Variants in USP34 observed in about 807,000 individuals in gnomAD.
USP34 encodes ubiquitin carboxyl-terminal hydrolase 34.
A neutral mutation model predicts 460.3 loss-of-function variants in USP34; 70 were observed. The ratio of observed to expected loss-of-function variants is 0.15; its 90% CI spans 0.13 to 0.19. USP34 has a LOEUF of 0.19. Among genes scored for constraint, USP34 ranks in the 10% least tolerant of loss-of-function variants. The pLI, the probability that USP34 is intolerant of heterozygous loss-of-function variation, is 1.00. For missense variants in USP34, 3,985 were observed against 4,236.2 expected, an observed-to-expected ratio of 0.94 and a Z score of 1.65; for synonymous variants, 1,647 against 1,405.3, an observed-to-expected ratio of 1.17 and a Z score of -3.85.
chr2:61,342,291 G>A (rs539690500), intron 16 of USP34, among the ~76,000 whole-genome samples: 5 of 107,506 alleles, frequency 4.7e-5, no homozygotes, highest in African/African-American at 1.9e-4. Flanking sequence ...CTTACTGGCC[G>A]TTTCCTTTTT....
intron 6 of USP34, among the ~76,000 whole-genome samples, chr2:61,381,705 CTCTA>C (rs1692980729): frequency 6.6e-6 from 1 of 152,150 alleles, no homozygotes; most frequent in Non-Finnish European, 1.5e-5. Context: ...CCATACAGAG[CTCTA>C]TCTTAGACTC....
intron 39 of USP34, among the ~76,000 whole-genome samples, chr2:61,279,741 G>T (rs1019920006): frequency 1.3e-5 from 2 of 152,210 alleles, no homozygotes; most frequent in Non-Finnish European, 2.9e-5. Flanking sequence ...TGGGATTACA[G>T]GCGTGAGCCA....
At chr2:61,340,638 T>C (rs1366343478) in intron 16 of USP34, among the ~76,000 whole-genome samples, 1 of 152,162 alleles carries the variant, frequency 6.6e-6, no homozygotes, top group Non-Finnish European at 1.5e-5. Flanking sequence ...TGTGGTAGAA[T>C]CTCATTGAGG....
At chr2:61,304,899 A>C (rs879566180) in intron 27 of USP34, among the ~76,000 whole-genome samples, 1 of 152,148 alleles carries the variant, frequency 6.6e-6, no homozygotes, top group Non-Finnish European at 1.5e-5. Context: ...TTCTAAATAG[A>C]ATTTCTACCT....
chr2:61,280,591 G>A (rs1346443779), intron 38 of USP34, among the ~76,000 whole-genome samples: 3 of 152,050 alleles, frequency 2.0e-5, no homozygotes, highest in African/African-American at 7.2e-5. Flanking sequence ...AAAAAGATAT[G>A]AACAGGGAGG....
chr2:61,369,018 T>C (rs964039696), intron 10 of USP34, among the ~76,000 whole-genome samples: 11 of 151,730 alleles, frequency 7.2e-5, no homozygotes, highest in Non-Finnish European at 1.5e-4. Context: ...TAGCAAAAAA[T>C]ATGAACAATT....
chr2:61,280,380 A>G, intron 38 of USP34, 32 bp from the exon 39 acceptor site: 1 of 1,089,402 alleles, frequency 9.2e-7, no homozygotes, highest in Non-Finnish European at 1.3e-6. Context: ...TTGTGAAAAC[A>G]TTTTAAAAAT....
At chr2:61,336,614 A>G (rs1262976523) in intron 18 of USP34, among the ~76,000 whole-genome samples, 2 of 151,726 alleles carry the variant, frequency 1.3e-5, no homozygotes, top group Non-Finnish European at 2.9e-5. Flanking sequence ...GTTCGAGACC[A>G]GCCTGGCCAA....
At chr2:61,234,431 T>C (rs1688003893) in intron 57 of USP34, among the ~76,000 whole-genome samples, 1 of 152,118 alleles carries the variant, frequency 6.6e-6, no homozygotes, top group African/African-American at 2.4e-5. Flanking sequence ...CCTCTTAAAA[T>C]AGGGGATGGA....
At chr2:61,346,651 C>T (rs996590931) in intron 15 of USP34, among the ~76,000 whole-genome samples, 12 of 142,474 alleles carry the variant, frequency 8.4e-5, no homozygotes, top group Admixed American at 8.1e-4. Context: ...ATGGTGAAAC[C>T]CCATCCTACT....
intron 41 of USP34, among the ~76,000 whole-genome samples, chr2:61,276,928 A>T (rs969367750): frequency 6.6e-5 from 10 of 152,342 alleles, no homozygotes; most frequent in African/African-American, 2.4e-4. Context: ...ACATTCAGTA[A>T]CTTTAAGGTA....
At chr2:61,454,466 A>C (rs1032857622) in intron 1 of USP34, among the ~76,000 whole-genome samples, 1 of 151,820 alleles carries the variant, frequency 6.6e-6, no homozygotes, top group Non-Finnish European at 1.5e-5. Flanking sequence ...GTTTTTCCCA[A>C]AGGGAAAGCA....
intron 48 of USP34, among the ~76,000 whole-genome samples, chr2:61,252,750 A>C (rs1688620887): frequency 6.6e-6 from 1 of 152,240 alleles, no homozygotes; most frequent in Admixed American, 6.5e-5. Flanking sequence ...TGTGAACTTC[A>C]TCCTAACAAT....
chr2:61,222,545 A>T, intron 65 of USP34, 74 bp downstream of exon 65: 1 of 1,243,370 alleles, frequency 8.0e-7, no homozygotes, highest in African/African-American at 1.5e-5. Flanking sequence ...TCTCGAGAAC[A>T]ATTAGGCTCA....
intron 46 of USP34, 47 bp downstream of exon 46, chr2:61,257,005 A>C: frequency 7.0e-7 from 1 of 1,429,356 alleles, no homozygotes; most frequent in Non-Finnish European, 9.2e-7. Flanking sequence ...ATATAAATGA[A>C]AATATATTAA....
At chr2:61,205,667 G>A (rs1687098290) in intron 72 of USP34, among the ~76,000 whole-genome samples, 1 of 152,216 alleles carries the variant, frequency 6.6e-6, no homozygotes, top group African/African-American at 2.4e-5. Flanking sequence ...AGAACTCACA[G>A]TGAAATAAGT....
intron 19 of USP34, among the ~76,000 whole-genome samples, chr2:61,333,284 A>G (rs1310105197): frequency 6.6e-6 from 1 of 152,092 alleles, no homozygotes; most frequent in Non-Finnish European, 1.5e-5. Context: ...AAAATGCTGG[A>G]GACCAGAAGT....
intron 1 of USP34, among the ~76,000 whole-genome samples, chr2:61,441,802 C>CAAAAAAAAAAAAAAAAA (rs70963429): frequency 2.1e-5 from 2 of 97,330 alleles, no homozygotes; most frequent in African/African-American, 3.9e-5. Context: ...GACTGCATTA[C>CAAAAAAAAAAAAAAAAA]AAAAAAAAAA....
chr2:61,412,459 C>T (rs886377645), intron 2 of USP34, among the ~76,000 whole-genome samples: 10 of 151,824 alleles, frequency 6.6e-5, no homozygotes, highest in Non-Finnish European at 1.2e-4. Flanking sequence ...TATGCAAATA[C>T]ATATCATATA....
Sources: gnomAD v4.1 joint callset for allele counts (sites outside exome capture counted in the v4.1 genomes callset) on GRCh38, gnomAD v4.1.1 for gene constraint, MANE v1.5 for transcripts, NCBI Gene and HGNC (gene_info 2026-07-23, HGNC 2026-07-21) for gene names.